TMEM117: variants seen among roughly 807,000 people sequenced by gnomAD.
TMEM117 encodes the protein transmembrane protein 117.
TMEM117 carries 27 observed loss-of-function variants against 52.4 expected under a neutral mutation model. The ratio of observed to expected loss-of-function variants is 0.51; its 90% CI spans 0.38 to 0.71. The LOEUF (loss-of-function observed/expected upper bound fraction) is 0.71. Among genes scored for constraint, TMEM117 ranks in the 30% least tolerant of loss-of-function variants. TMEM117 has a pLI of 0.00. For synonymous variants in TMEM117, 215 were observed against 206.3 expected (o/e 1.04, Z -0.36); for missense variants, 556 against 630.5 (o/e 0.88, Z 1.26).
intron 2 of TMEM117, among the ~76,000 whole-genome samples, chr12:43,890,606 A>T (rs1032073127): frequency 1.3e-5 from 2 of 151,884 alleles, no homozygotes; most frequent in African/African-American, 4.8e-5. Flanking sequence ...ATCTCGGCTC[A>T]CTGCAACCTC....
chr12:44,300,808 T>C (rs1950829954), intron 6 of TMEM117, among the ~76,000 whole-genome samples: 1 of 152,232 alleles, frequency 6.6e-6, no homozygotes, highest in African/African-American at 2.4e-5. Flanking sequence ...TTGATAAATT[T>C]CTTATTTCCT....
the TMEM117 span, chr12:43,797,893 A>T: frequency 3.3e-6 from 5 of 1,537,382 alleles, no homozygotes; most frequent in Middle Eastern, 8.7e-4. Context: ...TGGCAAACAT[A>T]AGAAAACCCA....
At chr12:44,038,520 C>T (rs1946747024) in intron 3 of TMEM117, among the ~76,000 whole-genome samples, 2 of 152,214 alleles carry the variant, frequency 1.3e-5, no homozygotes, top group Admixed American at 1.3e-4. Flanking sequence ...CCCCTCACCA[C>T]TCGTGCCTGG....
chr12:44,333,109 C>T (rs919663072), intron 6 of TMEM117, among the ~76,000 whole-genome samples: 2 of 151,856 alleles, frequency 1.3e-5, no homozygotes, highest in Admixed American at 1.3e-4. Context: ...TTGTCAAAAC[C>T]ACCCAGACAA....
intron 3 of TMEM117, among the ~76,000 whole-genome samples, chr12:43,969,797 C>T (rs1051851931): frequency 5.3e-5 from 8 of 152,230 alleles, no homozygotes; most frequent in African/African-American, 1.7e-4. Context: ...TTCTCCTTAA[C>T]CTCTTTCTCT....
At chr12:44,054,663 G>A (rs1565809400) in intron 3 of TMEM117, among the ~76,000 whole-genome samples, 1 of 151,228 alleles carries the variant, frequency 6.6e-6, no homozygotes, top group Non-Finnish European at 1.5e-5. Context: ...TAGGTTGTAT[G>A]TGACAATGAT....
intron 3 of TMEM117, among the ~76,000 whole-genome samples, chr12:44,071,478 TA>T (rs1192579413): frequency 6.6e-6 from 1 of 152,236 alleles, no homozygotes; most frequent in African/African-American, 2.4e-5. Flanking sequence ...GCTGCAAATG[TA>T]AACTACATTT....
the TMEM117 span, chr12:43,799,600 T>C: frequency 5.4e-6 from 3 of 555,790 alleles, no homozygotes; most frequent in Non-Finnish European, 6.0e-6. Flanking sequence ...GAAAAGATTT[T>C]AAATGAAAAT....
chr12:44,294,529 A>G (rs987680153), intron 5 of TMEM117, among the ~76,000 whole-genome samples: 2 of 152,146 alleles, frequency 1.3e-5, no homozygotes. Flanking sequence ...ATTTGTTCTT[A>G]CCATGGATCT....
chr12:44,335,148 T>A (rs1156527774), intron 6 of TMEM117, among the ~76,000 whole-genome samples: 1 of 151,792 alleles, frequency 6.6e-6, no homozygotes, highest in Non-Finnish European at 1.5e-5. Context: ...AGCAACAGAG[T>A]CCATGATGAT....
chr12:44,246,581 CAATATATGTTG>C (rs1270122308), intron 5 of TMEM117, among the ~76,000 whole-genome samples: 1 of 152,094 alleles, frequency 6.6e-6, no homozygotes, highest in Non-Finnish European at 1.5e-5. Context: ...TAAGTGACAG[CAATATATGTTG>C]AACATTTTCT....
chr12:43,907,505 T>C (rs1284017911), intron 2 of TMEM117, among the ~76,000 whole-genome samples: 2 of 151,414 alleles, frequency 1.3e-5, no homozygotes, highest in African/African-American at 2.4e-5. Context: ...AGAATGACTT[T>C]GACGAGCTGA....
chr12:44,397,338 T>C, the TMEM117 span, among the ~76,000 whole-genome samples: 1 of 152,338 alleles, frequency 6.6e-6, no homozygotes, highest in Non-Finnish European at 1.5e-5. Flanking sequence ...TATCTTGAGA[T>C]GCCAGTCTTT....
chr12:43,879,553 G>A (rs1221351362), intron 2 of TMEM117, among the ~76,000 whole-genome samples: 1 of 152,146 alleles, frequency 6.6e-6, no homozygotes, highest in Non-Finnish European at 1.5e-5. Context: ...AGAGGTACAA[G>A]TTGTGCCTCC....
intron 5 of TMEM117, among the ~76,000 whole-genome samples, chr12:44,225,190 A>T (rs1949844962): frequency 6.6e-6 from 1 of 152,210 alleles, no homozygotes; most frequent in Admixed American, 6.5e-5. Flanking sequence ...TTGAGAAAGA[A>T]CATACAACTT....
intron 3 of TMEM117, among the ~76,000 whole-genome samples, chr12:44,030,800 G>A (rs1296412691): frequency 6.6e-6 from 1 of 152,178 alleles, no homozygotes; most frequent in Admixed American, 6.5e-5. Context: ...AAAGCTGAAG[G>A]TTTAAGCAAG....
chr12:44,040,745 G>A (rs1946783879), intron 3 of TMEM117, among the ~76,000 whole-genome samples: 2 of 152,046 alleles, frequency 1.3e-5, no homozygotes, highest in Admixed American at 6.5e-5. Context: ...AAGATTTTAT[G>A]TTTCTTTTTG....
At chr12:44,275,664 A>C (rs1950502927) in intron 5 of TMEM117, among the ~76,000 whole-genome samples, 1 of 152,152 alleles carries the variant, frequency 6.6e-6, no homozygotes, top group South Asian at 2.1e-4. Context: ...ATGGAACTAG[A>C]GATCATTATA....
chr12:44,240,223 A>G (rs1217828280), intron 5 of TMEM117, among the ~76,000 whole-genome samples: 1 of 152,122 alleles, frequency 6.6e-6, no homozygotes, highest in East Asian at 1.9e-4. Flanking sequence ...TATCTTTGCC[A>G]TTCTAATTTA....
Sources: allele counts gnomAD v4.1 joint callset (sites outside exome capture counted in the v4.1 genomes callset), GRCh38; gene constraint gnomAD v4.1.1; transcripts MANE v1.5; gene names NCBI Gene and HGNC (gene_info 2026-07-23, HGNC 2026-07-21).